Variants in MARCHF1 observed in about 807,000 individuals in gnomAD.
MARCHF1 encodes E3 ubiquitin-protein ligase MARCHF1.
A neutral mutation model predicts 54.2 loss-of-function variants in MARCHF1; 40 were observed. That is an observed-to-expected ratio of 0.74 (90% CI 0.57 to 0.96). The LOEUF (loss-of-function observed/expected upper bound fraction) is 0.96, where lower values mean the gene tolerates loss of function less well. Ranked by LOEUF, MARCHF1 falls within the 40% of genes least tolerant of loss-of-function variation. MARCHF1 has a pLI of 0.00. For synonymous variants in MARCHF1, 236 were observed against 236.3 expected (o/e 1.00, Z 0.01); for missense variants, 586 against 656.5 (o/e 0.89, Z 1.17).
At chr4:163,946,714 C>T (rs1752033597) in intron 3 of MARCHF1, among the ~76,000 whole-genome samples, 1 of 152,168 alleles carries the variant, frequency 6.6e-6, no homozygotes, top group African/African-American at 2.4e-5. Flanking sequence ...AGCTATTTTT[C>T]AGTAATCTTG....
chr4:163,951,416 G>A (rs1752132212), intron 3 of MARCHF1, among the ~76,000 whole-genome samples: 1 of 152,182 alleles, frequency 6.6e-6, no homozygotes, highest in South Asian at 2.1e-4. Context: ...TAAGTGAGCA[G>A]GAGGATTACT....
chr4:164,030,751 G>T (rs1233838145), intron 2 of MARCHF1, among the ~76,000 whole-genome samples: 4 of 152,100 alleles, frequency 2.6e-5, no homozygotes, highest in African/African-American at 9.7e-5. Flanking sequence ...AACATGTGTG[G>T]CATAAATAAC....
At chr4:163,749,888 C>G (rs537269784) in intron 4 of MARCHF1, among the ~76,000 whole-genome samples, 1 of 148,770 alleles carries the variant, frequency 6.7e-6, no homozygotes, top group South Asian at 2.1e-4. Context: ...ATTGTGAAAC[C>G]CTATCTTTGT....
At chr4:163,717,086 G>C (rs949572555) in intron 4 of MARCHF1, among the ~76,000 whole-genome samples, 1 of 151,048 alleles carries the variant, frequency 6.6e-6, no homozygotes, top group African/African-American at 2.4e-5. Context: ...ATGTTGGTGT[G>C]CTGCACCCAT....
At chr4:163,687,937 G>C (rs543488885) in intron 5 of MARCHF1, among the ~76,000 whole-genome samples, 1 of 152,176 alleles carries the variant, frequency 6.6e-6, no homozygotes, top group African/African-American at 2.4e-5. Flanking sequence ...TAGTGCAATA[G>C]AGATTTGACA....
chr4:163,949,060 C>T (rs1752078755), intron 3 of MARCHF1, among the ~76,000 whole-genome samples: 1 of 152,230 alleles, frequency 6.6e-6, no homozygotes, highest in Non-Finnish European at 1.5e-5. Flanking sequence ...GCCCGCTGGG[C>T]TCATTCTGCC....
intron 1 of MARCHF1, among the ~76,000 whole-genome samples, chr4:164,211,564 A>C (rs1479667983): frequency 3.3e-5 from 5 of 152,012 alleles, no homozygotes; most frequent in African/African-American, 1.2e-4. Flanking sequence ...AAAAGACAGA[A>C]AATTGTATCC....
At chr4:164,224,242 GT>G (rs11309501) in intron 1 of MARCHF1, among the ~76,000 whole-genome samples, 136,718 of 147,738 alleles carry the variant, frequency 0.93, 63,280 homozygotes, top group African/African-American at 0.95. Context: ...AATATTATGA[GT>G]TTTTTTTTTT....
At chr4:164,303,789 G>A (rs891777179) in intron 1 of MARCHF1, among the ~76,000 whole-genome samples, 2 of 151,600 alleles carry the variant, frequency 1.3e-5, no homozygotes, top group East Asian at 3.9e-4. Flanking sequence ...ACAAACACAC[G>A]TACACACACC....
chr4:163,652,418 T>C (rs1016251391), intron 5 of MARCHF1, among the ~76,000 whole-genome samples: 1 of 151,864 alleles, frequency 6.6e-6, no homozygotes, highest in Admixed American at 6.6e-5. Context: ...ACTTCTTTTC[T>C]GTTCCTTCAA....
chr4:164,177,722 T>A (rs1352257930), intron 1 of MARCHF1, among the ~76,000 whole-genome samples: 3 of 151,940 alleles, frequency 2.0e-5, no homozygotes, highest in Admixed American at 2.0e-4. Context: ...CTTTCATAAT[T>A]TCAGGTAAAA....
chr4:163,843,111 GC>G (rs1346044808), intron 4 of MARCHF1, among the ~76,000 whole-genome samples: 3 of 152,104 alleles, frequency 2.0e-5, no homozygotes, highest in Non-Finnish European at 4.4e-5. Context: ...GTGTGAATAT[GC>G]AGTATTTGGT....
At chr4:163,711,224 CA>C (rs1745096178) in intron 4 of MARCHF1, among the ~76,000 whole-genome samples, 1 of 152,124 alleles carries the variant, frequency 6.6e-6, no homozygotes, top group Non-Finnish European at 1.5e-5. Context: ...TTTTCCAAAA[CA>C]AAATGGAAAG....
intron 1 of MARCHF1, among the ~76,000 whole-genome samples, chr4:164,161,326 T>A (rs1008724538): frequency 2.0e-5 from 3 of 152,156 alleles, no homozygotes; most frequent in African/African-American, 7.2e-5. Flanking sequence ...GTAAGTTTCA[T>A]GAGGCCTCCC....
chr4:163,612,608 A>T lies in MARCHF1; in HGVS notation c.673T>A (p.Cys225Ser), dbSNP rs1266904991. The stretch of plus-strand genomic sequence containing the variant: ...TGGAGATTTAAAGAGCAACTCTCAC[A>T]TTCAATCAGCTCTTGTTGCTCTTTA... Reference protein sequence around the residue: ...KGKEQQELIECESCSLNLHRG... With the variant: ...KGKEQQELIESESCSLNLHRG... Residue 225 changes from cysteine (C) to serine (S), a missense_variant, in exon 7 of 10, where the codon TGT (cysteine) becomes AGT (serine). Around this residue, in one of 3 missense-constraint regions of MARCHF1, gnomAD observed 387 missense variants for 394.6 expected, o/e 0.98. Transcript: ENST00000514618. 6.5e-7 allele frequency: 1 copy of T among 1,535,452 alleles called. No individual in the cohort carries two copies. The highest frequency in any genetic ancestry group is 1.4e-5 in the African/African-American group (1 of 72,980).
intron 1 of MARCHF1, among the ~76,000 whole-genome samples, chr4:164,355,750 C>A (rs1344484580): frequency 1.9e-5 from 2 of 103,524 alleles, no homozygotes; most frequent in African/African-American, 6.3e-5. Flanking sequence ...GCAACAAAAG[C>A]CAAAATTGAC....
At chr4:164,356,603 G>A (rs1730545947) in intron 1 of MARCHF1, among the ~76,000 whole-genome samples, 1 of 141,764 alleles carries the variant, frequency 7.1e-6, no homozygotes, top group Non-Finnish European at 1.6e-5. Context: ...TCACACTCTG[G>A]GGACTGTGGT....
chr4:164,071,276 T>C (rs1754858642), intron 2 of MARCHF1, among the ~76,000 whole-genome samples: 1 of 152,154 alleles, frequency 6.6e-6, no homozygotes, highest in Admixed American at 6.5e-5. Context: ...ACAGTATTCT[T>C]GAAAGTGTTG....
At chr4:163,861,033 A>G (rs1237359513) in intron 3 of MARCHF1, among the ~76,000 whole-genome samples, 3 of 152,360 alleles carry the variant, frequency 2.0e-5, no homozygotes, top group East Asian at 1.9e-4. Context: ...TAAAATATCT[A>G]TGATTAATAT....
Sources: allele counts gnomAD v4.1 joint callset (sites outside exome capture counted in the v4.1 genomes callset), GRCh38; gene constraint gnomAD v4.1.1; regional missense constraint gnomAD v4.1.1; transcripts MANE v1.5; gene names NCBI Gene and HGNC (gene_info 2026-07-23, HGNC 2026-07-21).